WDR44: variants seen among roughly 807,000 people sequenced by gnomAD.
WDR44 encodes the protein WD repeat-containing protein 44.
In WDR44, 9 loss-of-function variants were observed where a neutral mutation model predicts 65.7. The observed-to-expected ratio is 0.14, with a 90% confidence interval of 0.08 to 0.24. The LOEUF (loss-of-function observed/expected upper bound fraction) is 0.24, where lower values mean the gene tolerates loss of function less well. WDR44 is among the 10% of genes least tolerant of loss of function. The pLI, the probability that WDR44 is intolerant of heterozygous loss-of-function variation, is 1.00. For missense variants in WDR44, 425 were observed against 670.9 expected (o/e 0.63, Z 4.05); for synonymous variants, 220 against 235.2 (o/e 0.94, Z 0.59).
chrX:118,382,151 G>A, intron 2 of WDR44, among the ~76,000 whole-genome samples: 1 of 112,323 alleles, frequency 8.9e-6, no homozygotes, highest in Admixed American at 9.5e-5. Flanking sequence ...TTACATGAAT[G>A]AGTCTCTGTG....
chrX:118,357,176 G>A (rs187362704), intron 1 of WDR44, among the ~76,000 whole-genome samples: 1 of 111,216 alleles, frequency 9.0e-6, no homozygotes, highest in East Asian at 2.8e-4. Context: ...AGAAATTCAA[G>A]TACATAAAGC....
At chrX:118,398,717 A>G (rs772131510) in intron 8 of WDR44, among the ~76,000 whole-genome samples, 228 of 112,036 alleles carry the variant, frequency 2.0e-3, no homozygotes, top group African/African-American at 7.2e-3. Context: ...TCCTGAGATC[A>G]GGGGTTCAAG....
intron 19 of WDR44, among the ~76,000 whole-genome samples, chrX:118,446,804 A>T (rs1297706595): frequency 2.7e-5 from 3 of 111,726 alleles, no homozygotes; most frequent in Non-Finnish European, 5.6e-5. Flanking sequence ...TCCTTCTCAG[A>T]ATCACATCCA....
chrX:118,438,882 G>A (rs902947359), intron 14 of WDR44, among the ~76,000 whole-genome samples: 2 of 93,194 alleles, frequency 2.1e-5, no homozygotes, highest in African/African-American at 4.2e-5. Context: ...TCCACCTCCC[G>A]AGTTCAAGCA....
chrX:118,357,987 C>A (rs765134120), intron 1 of WDR44, among the ~76,000 whole-genome samples: 1 of 111,355 alleles, frequency 9.0e-6, no homozygotes, highest in Non-Finnish European at 1.9e-5. Context: ...TCCTGGCCAA[C>A]ATGGTGAAAC....
intron 1 of WDR44, among the ~76,000 whole-genome samples, 174 bp from the exon 2 acceptor site, chrX:118,378,245 G>T (rs1179024582): frequency 8.9e-6 from 1 of 112,298 alleles, no homozygotes; most frequent in Non-Finnish European, 1.9e-5. Context: ...GAGCCACTGC[G>T]CCCAGCCTCT....
Position 118,387,378 on chromosome X carries a change from C to T in WDR44, c.150C>T (p.Ser50=), listed in dbSNP as rs1487664257. The change falls in exon 3 of 20, where the codon TCC becomes TCT. Residue 50 remains serine (S), a synonymous_variant. Coordinates refer to ENST00000254029, the MANE Select transcript of WDR44 (RefSeq NM_019045.5). ...ENTAYKVGNE[S]PVQELKQDVS... ...CTGCATACAAAGTTGGAAATGAGTCCCCTGTACAAGAATTGAAACAAGATG... is the reference window on the plus strand; with the variant it reads ...CTGCATACAAAGTTGGAAATGAGTCTCCTGTACAAGAATTGAAACAAGATG... The T allele has an allele frequency of 6.7e-6, 8 of 1,200,308 alleles. No homozygotes were observed. The highest frequency in any genetic ancestry group is 7.9e-6 in the Non-Finnish European group (7 of 890,156).
intron 1 of WDR44, among the ~76,000 whole-genome samples, chrX:118,355,104 A>T (rs1444145387): frequency 1.8e-5 from 2 of 112,109 alleles, no homozygotes; most frequent in African/African-American, 6.5e-5. Flanking sequence ...TACTGTTAAC[A>T]ATTGAATTTT....
chrX:118,441,024 A>G (rs776084701), intron 14 of WDR44, among the ~76,000 whole-genome samples: 108 of 85,392 alleles, frequency 1.3e-3, no homozygotes, highest in African/African-American at 4.8e-3. Flanking sequence ...CAGTGGTGCG[A>G]TCTTGGCTCA....
chrX:118,406,745 A>G, intron 9 of WDR44, 130 bp from the exon 10 acceptor site: 4 of 584,435 alleles, frequency 6.8e-6, no homozygotes, highest in Non-Finnish European at 1.0e-5. Flanking sequence ...GTTTTTAACC[A>G]GTATGTTATA....
chrX:118,366,946 C>T (rs920259398), intron 1 of WDR44, among the ~76,000 whole-genome samples: 1 of 111,245 alleles, frequency 9.0e-6, no homozygotes, highest in Admixed American at 9.5e-5. Context: ...ATTAGCTGGG[C>T]GCAGTGGCGG....
intron 19 of WDR44, 110 bp downstream of exon 19, chrX:118,444,604 T>C: frequency 2.1e-6 from 2 of 949,213 alleles, no homozygotes; most frequent in Non-Finnish European, 2.8e-6. Flanking sequence ...TTCTTTTTTC[T>C]TTTTTCTTAA....
intron 1 of WDR44, among the ~76,000 whole-genome samples, chrX:118,363,798 A>G (rs2056531522): frequency 8.9e-6 from 1 of 112,567 alleles, no homozygotes; most frequent in South Asian, 3.6e-4. Context: ...TCCAAAAAGT[A>G]AGGTCAAAAG....
chrX:118,346,137 G>T lies in WDR44; in HGVS notation c.-367G>T. ...TTGCGGGCAACTAGCTCTTCCAGCTGCTGTAAATTGCTGCTGCGGGAGAAA... is the reference window on the plus strand; with the variant it reads ...TTGCGGGCAACTAGCTCTTCCAGCTTCTGTAAATTGCTGCTGCGGGAGAAA... On this transcript the variant is annotated 5_prime_UTR_variant, in exon 1 of 20. Transcript: ENST00000254029. 1 of 302,957 alleles carries T rather than the reference G, an allele frequency of 3.3e-6. No homozygotes were observed. The highest frequency in any genetic ancestry group is 5.8e-6 in the Non-Finnish European group (1 of 173,321). 25.0% of individuals were successfully genotyped at this position (302,957 alleles called of 1,213,427 possible). A position where few individuals can be genotyped will look rare whatever the true frequency, so the allele number is the denominator to read the frequency against.
At chrX:118,394,209 CATATAGACTTT>C in intron 5 of WDR44, 24 bp downstream of exon 5, 1 of 1,205,891 alleles carries the variant, frequency 8.3e-7, no homozygotes, top group Non-Finnish European at 1.1e-6. Flanking sequence ...TGTTCTGTTT[CATATAGACTTT>C]ATCAGCTCCC....
intron 12 of WDR44, among the ~76,000 whole-genome samples, chrX:118,429,409 T>A (rs899784524): frequency 2.8e-5 from 3 of 108,230 alleles, no homozygotes; most frequent in African/African-American, 1.0e-4. Flanking sequence ...GCCAACATAG[T>A]GGAACCCTGT....
chrX:118,365,059 A>T lies in WDR44; in HGVS notation c.78-13360A>T, dbSNP rs777682749. 3.6e-5 allele frequency among the ~76,000 whole-genome samples: 4 copies of T among 112,031 alleles called. No individual in the cohort carries two copies. In the East Asian group the frequency reaches 8.4e-4, roughly 23 times the overall value. On this transcript the variant is annotated intron_variant, in intron 1 of 19. Transcript: ENST00000254029. ...GTTCTGTTTCATCAGTGTTCCTTTTAAAATGAATCTCAAAAAGTATATGAT... is the reference window on the plus strand; with the variant it reads ...GTTCTGTTTCATCAGTGTTCCTTTTTAAATGAATCTCAAAAAGTATATGAT...
chrX:118,448,786 A>G (rs778767677), intron 19 of WDR44, 107 bp from the exon 20 acceptor site: 26 of 433,213 alleles, frequency 6.0e-5, no homozygotes, highest in Non-Finnish European at 9.6e-5. Context: ...AGGTGGGGAG[A>G]TGATCTTCTC....
chrX:118,399,717 A>G (rs756794754), intron 8 of WDR44, among the ~76,000 whole-genome samples: 11 of 111,785 alleles, frequency 9.8e-5, no homozygotes, highest in African/African-American at 3.2e-4. Flanking sequence ...GCTTACTGCA[A>G]AATAGAAGCA....
Sources: gnomAD v4.1 joint callset for allele counts (sites outside exome capture counted in the v4.1 genomes callset) on GRCh38, gnomAD v4.1.1 for gene constraint, MANE v1.5 for transcripts, NCBI Gene and HGNC (gene_info 2026-07-23, HGNC 2026-07-21) for gene names.